The following MAPK8 variants were observed in gnomAD, a reference collection of about 807,000 sequenced individuals.
The protein encoded by MAPK8 is mitogen-activated protein kinase 8.
MAPK8 carries 13 observed loss-of-function variants against 52.9 expected under a neutral mutation model. The ratio of observed to expected loss-of-function variants is 0.25; its 90% CI spans 0.16 to 0.39. The LOEUF (loss-of-function observed/expected upper bound fraction) is 0.39. Ranked by LOEUF, MAPK8 falls within the 10% of genes least tolerant of loss-of-function variation. The probability of loss-of-function intolerance (pLI) is 1.00; values close to 1 mark genes in which losing one functional copy is unlikely to be tolerated. For missense variants in MAPK8, 300 were observed against 519.2 expected (o/e 0.58, Z 4.10); for synonymous variants, 191 against 169.8 (o/e 1.12, Z -0.97).
chr10:48,374,779 A>C (rs2040548175), intron 1 of MAPK8, among the ~76,000 whole-genome samples: 1 of 152,202 alleles, frequency 6.6e-6, no homozygotes, highest in Non-Finnish European at 1.5e-5. Context: ...CCAGGACCAG[A>C]TGGATTCACA....
At chr10:48,339,455 A>G (rs898893085) in intron 1 of MAPK8, among the ~76,000 whole-genome samples, 6 of 152,192 alleles carry the variant, frequency 3.9e-5, no homozygotes, top group African/African-American at 7.2e-5. Context: ...TTAAAGACTT[A>G]TTTAAGACCT....
At chr10:48,403,575 T>C (rs1201945047) in intron 2 of MAPK8, among the ~76,000 whole-genome samples, 2 of 152,150 alleles carry the variant, frequency 1.3e-5, no homozygotes, top group Non-Finnish European at 2.9e-5. Context: ...ATATCAAAAA[T>C]TATAGAAGTT....
At chr10:48,427,184 C>T in intron 10 of MAPK8, 41 bp downstream of exon 10, 3 of 1,491,282 alleles carry the variant, frequency 2.0e-6, no homozygotes, top group Non-Finnish European at 2.8e-6. Context: ...TGTGAAGGAG[C>T]TTCTGGTTTT....
At chr10:48,420,087 CTT>C (rs1160894767) in intron 5 of MAPK8, 66 bp from the exon 6 acceptor site, 6 of 1,210,710 alleles carry the variant, frequency 5.0e-6, no homozygotes, top group Admixed American at 2.0e-5. Flanking sequence ...GATAGTATAA[CTT>C]TATTGTGAAC....
chr10:48,423,510 A>G (rs2043489213), intron 6 of MAPK8, among the ~76,000 whole-genome samples: 1 of 152,208 alleles, frequency 6.6e-6, no homozygotes. Flanking sequence ...TGGACTTTTA[A>G]TTCAGAACAA....
intron 1 of MAPK8, among the ~76,000 whole-genome samples, chr10:48,389,392 C>G (rs1430114940): frequency 6.6e-6 from 1 of 152,158 alleles, no homozygotes; most frequent in African/African-American, 2.4e-5. Flanking sequence ...AGGTTATTAT[C>G]TGCCTCTTGA....
At chr10:48,380,545 A>G (rs1193100749) in intron 1 of MAPK8, among the ~76,000 whole-genome samples, 1 of 151,572 alleles carries the variant, frequency 6.6e-6, no homozygotes, top group Non-Finnish European at 1.5e-5. Context: ...CAGCCTAGCT[A>G]ACATGGTGAA....
At chr10:48,427,309 ACTTAAT>A (rs2043746538) in intron 10 of MAPK8, 166 bp downstream of exon 10, 2 of 489,820 alleles carry the variant, frequency 4.1e-6, no homozygotes, top group African/African-American at 2.0e-5. Context: ...TCCTTCCTTA[ACTTAAT>A]CTTAAGTTCC....
At chr10:48,387,810 A>G (rs2041402533) in intron 1 of MAPK8, among the ~76,000 whole-genome samples, 1 of 152,192 alleles carries the variant, frequency 6.6e-6, no homozygotes, top group African/African-American at 2.4e-5. Context: ...TAAATGTTAC[A>G]TTATGATTTA....
intron 1 of MAPK8, among the ~76,000 whole-genome samples, chr10:48,349,393 A>G (rs571668298): frequency 6.6e-6 from 1 of 152,330 alleles, no homozygotes; most frequent in African/African-American, 2.4e-5. Flanking sequence ...TCCTCAGCAA[A>G]TGCAAAAGAG....
At chr10:48,380,559 C>G (rs2040936284) in intron 1 of MAPK8, among the ~76,000 whole-genome samples, 2 of 150,210 alleles carry the variant, frequency 1.3e-5, no homozygotes, top group Non-Finnish European at 3.0e-5. Flanking sequence ...TGGTGAAACC[C>G]CATATCTACT....
intron 1 of MAPK8, among the ~76,000 whole-genome samples, chr10:48,358,394 T>C (rs1400556355): frequency 6.6e-6 from 1 of 152,218 alleles, no homozygotes; most frequent in Non-Finnish European, 1.5e-5. Context: ...ATGGTTTTGA[T>C]TTGTATTTGC....
chr10:48,353,465 A>G (rs180707928), intron 1 of MAPK8, among the ~76,000 whole-genome samples: 1 of 152,348 alleles, frequency 6.6e-6, no homozygotes, highest in Non-Finnish European at 1.5e-5. Context: ...TGACAGACGT[A>G]CAAAAGAGAC....
chr10:48,307,096 C>T (rs980047983), intron 1 of MAPK8: 3 of 152,604 alleles, frequency 2.0e-5, no homozygotes, highest in African/African-American at 7.2e-5. Context: ...CTCTCGCGTC[C>T]TCTTCGCGTG....
chr10:48,411,776 TTC>T (rs2133090809), intron 5 of MAPK8, among the ~76,000 whole-genome samples: 1 of 152,140 alleles, frequency 6.6e-6, no homozygotes, highest in Non-Finnish European at 1.5e-5. Flanking sequence ...CTTCCTTCTC[TTC>T]TTTTTTCTTT....
chr10:48,343,342 C>T (rs1248069768), intron 1 of MAPK8, among the ~76,000 whole-genome samples: 3 of 152,134 alleles, frequency 2.0e-5, no homozygotes, highest in Admixed American at 1.3e-4. Context: ...GTCAGATTGC[C>T]TCCTCCTTTT....
At chr10:48,421,992 C>T (rs1266021929) in intron 6 of MAPK8, among the ~76,000 whole-genome samples, 1 of 144,772 alleles carries the variant, frequency 6.9e-6, no homozygotes, top group African/African-American at 2.6e-5. Context: ...ACACCTCACA[C>T]TCATTTTATT....
At chr10:48,340,899 T>G (rs1845191161) in intron 1 of MAPK8, among the ~76,000 whole-genome samples, 1 of 152,238 alleles carries the variant, frequency 6.6e-6, no homozygotes, top group African/African-American at 2.4e-5. Flanking sequence ...TGGCAAAGTT[T>G]CCATACTGTG....
intron 1 of MAPK8, among the ~76,000 whole-genome samples, chr10:48,308,947 C>G (rs999827564): frequency 7.9e-5 from 12 of 152,074 alleles, no homozygotes; most frequent in African/African-American, 2.2e-4. Context: ...AATGAGTTAA[C>G]TAATGAGTTT....
Sources: allele counts gnomAD v4.1 joint callset (sites outside exome capture counted in the v4.1 genomes callset), GRCh38; gene constraint gnomAD v4.1.1; transcripts MANE v1.5; gene names NCBI Gene and HGNC (gene_info 2026-07-23, HGNC 2026-07-21).